Variants in SLC3A1 observed in about 807,000 individuals in gnomAD.
SLC3A1 encodes the protein amino acid transporter heavy chain SLC3A1.
Under a neutral mutation model 60.3 loss-of-function variants are expected in SLC3A1, and 78 were observed. That is an observed-to-expected ratio of 1.29 (90% CI 1.08 to 1.56). The LOEUF (loss-of-function observed/expected upper bound fraction) is 1.56, where lower values mean the gene tolerates loss of function less well. Ranked by LOEUF, SLC3A1 falls within the 40% of genes most tolerant of loss-of-function variation. SLC3A1 has a pLI of 0.00. For missense variants in SLC3A1, 1,172 were observed against 858.9 expected (o/e 1.36, Z -4.56); for synonymous variants, 392 against 307.9 (o/e 1.27, Z -2.86).
chr2:44,300,859 T>C, intron 5 of SLC3A1, 144 bp from the exon 6 acceptor site: 1 of 859,434 alleles, frequency 1.2e-6, no homozygotes, highest in Admixed American at 2.0e-5. Flanking sequence ...AAATGAAGCA[T>C]TCTTCTCCAT....
chr2:44,301,754 A>G (rs1395892912), intron 6 of SLC3A1, among the ~76,000 whole-genome samples: 79 of 151,286 alleles, frequency 5.2e-4, no homozygotes, highest in Admixed American at 8.6e-4. Flanking sequence ...AAAAAAAAAA[A>G]AAGAACCAAA....
chr2:44,298,238 A>T (rs1204974687), intron 4 of SLC3A1, among the ~76,000 whole-genome samples: 1 of 152,106 alleles, frequency 6.6e-6, no homozygotes, highest in African/African-American at 2.4e-5. Flanking sequence ...AAATCCCTCC[A>T]GGGGTTTCCC....
chr2:44,321,481 C>T lies in SLC3A1; in HGVS notation c.*842C>T. On this transcript the variant is annotated 3_prime_UTR_variant, in exon 10 of 10. Coordinates refer to ENST00000260649, the MANE Select transcript of SLC3A1 (RefSeq NM_000341.4). Reference sequence around the variant, plus strand: ...CACATTAAAAAAATTAAATAGAAGGCCTTTGTAGTAAAATGCCACTGTTTA... The same window carrying T: ...CACATTAAAAAAATTAAATAGAAGGTCTTTGTAGTAAAATGCCACTGTTTA... The T allele has an allele frequency of 3.1e-6, 5 of 1,594,286 alleles. No individual in the cohort carries two copies. The highest frequency in any genetic ancestry group is 4.3e-6 in the Non-Finnish European group (5 of 1,166,256).
intron 1 of SLC3A1, among the ~76,000 whole-genome samples, chr2:44,280,454 G>A (rs1671469361): frequency 6.6e-6 from 1 of 151,868 alleles, no homozygotes; most frequent in Admixed American, 6.6e-5. Context: ...GGCCAGGATG[G>A]TCTCGAGCTC....
chr2:44,293,721 G>A (rs1280557180), intron 4 of SLC3A1, among the ~76,000 whole-genome samples: 1 of 152,136 alleles, frequency 6.6e-6, no homozygotes, highest in Non-Finnish European at 1.5e-5. Context: ...AGGGCCTGGT[G>A]TTGGTAGACC....
intron 7 of SLC3A1, 147 bp from the exon 8 acceptor site, chr2:44,312,439 G>C (rs1005049112): frequency 5.3e-6 from 4 of 761,300 alleles, no homozygotes; most frequent in Non-Finnish European, 9.2e-6. Context: ...ACAGCAAATA[G>C]CAGGCCTAGG....
At chr2:44,314,043 T>G in intron 9 of SLC3A1, 92 bp downstream of exon 9, 2 of 1,587,480 alleles carry the variant, frequency 1.3e-6, no homozygotes, top group Non-Finnish European at 1.7e-6. Flanking sequence ...TGTCTAAACC[T>G]TAACGGATAC....
intron 6 of SLC3A1, chr2:44,303,769 C>T (rs969379614): frequency 2.6e-6 from 1 of 384,272 alleles, no homozygotes; most frequent in Non-Finnish European, 4.9e-6. Context: ...TGTGATGTTC[C>T]CTGCCCTGTG....
chr2:44,320,060 G>C, intron 9 of SLC3A1, 139 bp from the exon 10 acceptor site: 1 of 666,622 alleles, frequency 1.5e-6, no homozygotes, highest in Non-Finnish European at 2.6e-6. Context: ...CCTACTTATT[G>C]ATGCTTACAA....
Position 44,286,053 on chromosome 2 carries a change from A to C in SLC3A1, c.787A>C (p.Ser263Arg). Residue 263 changes from serine (S) to arginine (R), a missense_variant, in exon 4 of 10, where the codon AGT becomes CGT. Transcript: ENST00000260649. ...NNWLSVYGNS[S>R]WHFDEVRNQC... is the part of the protein sequence containing the mutation. ...CCAGTTAAGTGTGTATGGAAACTCC[A>C]GTTGGCACTTTGACGAAGTGCGAAA... 1 of 1,614,078 alleles carries C rather than the reference A, an allele frequency of 6.2e-7. No homozygotes were observed.
intron 4 of SLC3A1, among the ~76,000 whole-genome samples, chr2:44,299,712 A>G (rs888164494): frequency 3.6e-4 from 55 of 152,220 alleles, no homozygotes; most frequent in African/African-American, 1.3e-3. Flanking sequence ...AAACATCCTT[A>G]TAACATCCAT....
chr2:44,281,224 TC>T (rs1404842605), intron 2 of SLC3A1, among the ~76,000 whole-genome samples, 162 bp from the exon 3 acceptor site: 9 of 130,194 alleles, frequency 6.9e-5, no homozygotes, highest in Admixed American at 5.3e-4. Context: ...AGTGGTGCAA[TC>T]ATGGCTCACT....
Position 44,275,871 on chromosome 2 carries a change from A to G in SLC3A1, c.336A>G (p.Pro112=), listed in dbSNP as rs887834935. The change falls in exon 1 of 10, where the codon CCA becomes CCG. Residue 112 remains proline (P), a synonymous_variant. Coordinates refer to ENST00000260649, the MANE Select transcript of SLC3A1 (RefSeq NM_000341.4). The stretch of plus-strand genomic sequence containing the variant: ...CCATAGCCATCATTGCCCTCTCTCC[A>G]AAGTGCCTAGACTGGTGGCAGGAGG... ...AATIAIIALS[P]KCLDWWQEGP... is the part of the protein sequence containing the mutation. The G allele has an allele frequency of 1.8e-5, 29 of 1,614,086 alleles. No homozygotes were observed. The Middle Eastern group carries it at 6.6e-4, about 37-fold the overall frequency.
At chr2:44,300,355 C>G (rs1330216221) in intron 5 of SLC3A1, among the ~76,000 whole-genome samples, 2 of 152,120 alleles carry the variant, frequency 1.3e-5, no homozygotes, top group East Asian at 3.9e-4. Flanking sequence ...AGTGTGGGCT[C>G]TACCAAGGGC....
chr2:44,297,691 T>C (rs890106494), intron 4 of SLC3A1, among the ~76,000 whole-genome samples: 3 of 152,204 alleles, frequency 2.0e-5, no homozygotes, highest in African/African-American at 7.2e-5. Flanking sequence ...TGTCATTCTT[T>C]CATGCTACAA....
intron 9 of SLC3A1, chr2:44,317,967 G>A: frequency 7.6e-6 from 2 of 263,148 alleles, no homozygotes; most frequent in East Asian, 1.4e-4. Context: ...GCAAATAATA[G>A]AAAGCTTGCA....
At chr2:44,289,847 T>G (rs796808201) in intron 4 of SLC3A1, among the ~76,000 whole-genome samples, 13 of 152,194 alleles carry the variant, frequency 8.5e-5, no homozygotes, top group African/African-American at 3.1e-4. Context: ...GCTAGGCTGG[T>G]CTCGAACTCC....
intron 7 of SLC3A1, among the ~76,000 whole-genome samples, chr2:44,310,425 A>G (rs1439034817): frequency 6.6e-6 from 1 of 151,652 alleles, no homozygotes; most frequent in Non-Finnish European, 1.5e-5. Flanking sequence ...ATCTTGGTTT[A>G]CAGTTCTTTC....
At chr2:44,296,130 C>T (rs1671841138) in intron 4 of SLC3A1, among the ~76,000 whole-genome samples, 2 of 152,154 alleles carry the variant, frequency 1.3e-5, no homozygotes, top group South Asian at 4.1e-4. Context: ...CCTTTCTTTG[C>T]CCCACCAGAC....
Sources: gnomAD v4.1 joint callset for allele counts (sites outside exome capture counted in the v4.1 genomes callset) on GRCh38, gnomAD v4.1.1 for gene constraint, MANE v1.5 for transcripts, NCBI Gene and HGNC (gene_info 2026-07-23, HGNC 2026-07-21) for gene names.